Variants in ZNF600 observed in about 807,000 individuals in gnomAD.
ZNF600 encodes zinc finger protein KR-ZNF1.
In ZNF600, 4 loss-of-function variants were observed where a neutral mutation model predicts 7.3. The ratio of observed to expected loss-of-function variants is 0.55; its 90% CI spans 0.27 to 1.25. The LOEUF (loss-of-function observed/expected upper bound fraction) is 1.25, where lower values mean the gene tolerates loss of function less well. Ranked by LOEUF, ZNF600 falls within the 50% of genes most tolerant of loss-of-function variation. ZNF600 has a pLI of 0.12. For missense variants in ZNF600, 911 were observed against 922.1 expected (o/e 0.99, Z 0.16); for synonymous variants, 290 against 308.9 (o/e 0.94, Z 0.64).
the ZNF600 span, among the ~76,000 whole-genome samples, chr19:52,804,531 C>T: frequency 6.6e-6 from 1 of 152,134 alleles, no homozygotes; most frequent in Non-Finnish European, 1.5e-5. Context: ...CCACCATACA[C>T]AGCTAATTTT....
the ZNF600 span, among the ~76,000 whole-genome samples, chr19:52,806,717 C>T: frequency 2.0e-5 from 3 of 151,844 alleles, no homozygotes; most frequent in African/African-American, 7.3e-5. Flanking sequence ...GCCTGGCCAA[C>T]ATGGTGAAAC....
upstream of ZNF600, among the ~76,000 whole-genome samples, chr19:52,789,038 C>G (rs2062785200): frequency 6.6e-6 from 1 of 152,196 alleles, no homozygotes; most frequent in Non-Finnish European, 1.5e-5. Flanking sequence ...AAGGATCACA[C>G]AGAACAGGCA....
the ZNF600 span, among the ~76,000 whole-genome samples, chr19:52,812,411 T>A: frequency 7.5e-6 from 1 of 133,840 alleles, no homozygotes; most frequent in South Asian, 2.3e-4. Flanking sequence ...TTTCATTTTG[T>A]TCTGTACTAA....
the ZNF600 span, among the ~76,000 whole-genome samples, chr19:52,806,237 ATGCTGGAGTGCAACGG>A: frequency 6.6e-6 from 1 of 151,718 alleles, no homozygotes; most frequent in East Asian, 1.9e-4. Flanking sequence ...TCTGTCTCCC[ATGCTGGAGTGCAACGG>A]TGCGATCTCG....
At chr19:52,766,645 A>G (rs1376638210) in exon 4 of ZNF600, 1 of 1,613,880 alleles carries the variant, frequency 6.2e-7, no homozygotes, top group East Asian at 2.2e-5. Flanking sequence ...ACAAGGGATG[A>G]CTTGTGACTG....
upstream of ZNF600, among the ~76,000 whole-genome samples, chr19:52,791,277 C>T (rs2062790215): frequency 6.6e-6 from 1 of 152,206 alleles, no homozygotes; most frequent in East Asian, 1.9e-4. Flanking sequence ...GTGAGCCCTT[C>T]CCAGGACCAT....
the ZNF600 span, chr19:52,801,079 G>T: frequency 7.4e-6 from 12 of 1,614,078 alleles, no homozygotes; most frequent in African/African-American, 1.3e-5. Flanking sequence ...GCAAGGTATC[G>T]CTTCTGATTA....
upstream of ZNF600, chr19:52,786,852 A>G (rs1559237): frequency 0.33 from 84,001 of 256,460 alleles, 17,301 homozygotes; most frequent in East Asian, 0.71. Flanking sequence ...CCCCAGGCGG[A>G]GAGACCTTGC....
At chr19:52,788,978 C>A (rs555805649), upstream of ZNF600, among the ~76,000 whole-genome samples, 14 of 152,286 alleles carry the variant, frequency 9.2e-5, no homozygotes, top group African/African-American at 3.1e-4. Flanking sequence ...CTCTGCTCTC[C>A]GCTTGGGGAC....
chr19:52,765,506 G>T (rs1243833423), exon 4 of ZNF600: 2 of 1,601,614 alleles, frequency 1.2e-6, no homozygotes, highest in African/African-American at 2.7e-5. Context: ...TATTACACTT[G>T]TTAGATCTTT....
chr19:52,823,165 T>A, the ZNF600 span, among the ~76,000 whole-genome samples: 23 of 152,314 alleles, frequency 1.5e-4, no homozygotes, highest in South Asian at 2.3e-3. Flanking sequence ...AAACTTTTTT[T>A]AAAATTTATA....
the ZNF600 span, among the ~76,000 whole-genome samples, chr19:52,832,995 C>G: frequency 2.0e-5 from 3 of 152,104 alleles, no homozygotes. Context: ...TGGTCTCAAA[C>G]TCCTGACCTC....
At chr19:52,817,368 G>A in the ZNF600 span, among the ~76,000 whole-genome samples, 2 of 151,814 alleles carry the variant, frequency 1.3e-5, no homozygotes, top group African/African-American at 4.8e-5. Context: ...GTGAAACTCC[G>A]CTTCAAAAAA....
chr19:52,813,748 G>A, the ZNF600 span, among the ~76,000 whole-genome samples: 77,225 of 145,048 alleles, frequency 0.53, 25,294 homozygotes, highest in Non-Finnish European at 0.68. Context: ...TCTCCGTTCC[G>A]CTCCCAGCAG....
the ZNF600 span, among the ~76,000 whole-genome samples, chr19:52,820,275 G>T: frequency 7.3e-6 from 1 of 136,544 alleles, no homozygotes; most frequent in African/African-American, 3.1e-5. Context: ...CCGCCACCGC[G>T]CCCGGCTAAT....
intron 1 of ZNF600, among the ~76,000 whole-genome samples, chr19:52,784,363 G>T (rs12972338): frequency 0.61 from 92,178 of 151,662 alleles, 28,973 homozygotes; most frequent in Non-Finnish European, 0.69. Context: ...AGTAGAGAAC[G>T]CTATTGTAAT....
exon 4 of ZNF600, chr19:52,764,980 T>C (rs1163087025): frequency 9.8e-6 from 2 of 203,102 alleles, no homozygotes; most frequent in East Asian, 1.4e-4. Flanking sequence ...AAGTGACCTA[T>C]GTGCCTTGGC....
At chr19:52,799,355 T>G in the ZNF600 span, 1 of 536,208 alleles carries the variant, frequency 1.9e-6, no homozygotes, top group East Asian at 3.4e-5. Context: ...TACATCTGTG[T>G]GGTTTCTCTT....
the ZNF600 span, among the ~76,000 whole-genome samples, chr19:52,812,122 G>A: frequency 2.7e-5 from 3 of 111,876 alleles, no homozygotes; most frequent in South Asian, 3.4e-4. Flanking sequence ...CTGGCCAGCC[G>A]CCCCGTCCGG....
Sources: gnomAD v4.1 joint callset for allele counts (sites outside exome capture counted in the v4.1 genomes callset) on GRCh38, gnomAD v4.1.1 for gene constraint, MANE v1.5 for transcripts, NCBI Gene and HGNC (gene_info 2026-07-23, HGNC 2026-07-21) for gene names.